The following NEBL variants were observed in gnomAD, a reference collection of about 807,000 sequenced individuals.
NEBL encodes nebulette, also known as LIM and SH3 protein 2.
A neutral mutation model predicts 140.2 loss-of-function variants in NEBL; 122 were observed. The ratio of observed to expected loss-of-function variants is 0.87; its 90% CI spans 0.75 to 1.01. NEBL has a LOEUF of 1.01. Among genes scored for constraint, NEBL ranks in the 50% least tolerant of loss-of-function variants. The pLI is 0.00. For missense variants in NEBL, 1,365 were observed against 1,231.3 expected (o/e 1.11, Z -1.62); for synonymous variants, 436 against 398.9 (o/e 1.09, Z -1.11).
intron 26 of NEBL, among the ~76,000 whole-genome samples, chr10:20,790,109 G>A (rs943345651): frequency 6.6e-6 from 1 of 152,012 alleles, no homozygotes; most frequent in Admixed American, 6.6e-5. Flanking sequence ...GCAGACAGCA[G>A]GGAAGGGAGT....
chr10:20,872,701 G>T (rs896751797), intron 5 of NEBL, among the ~76,000 whole-genome samples: 1 of 152,154 alleles, frequency 6.6e-6, no homozygotes, highest in South Asian at 2.1e-4. Context: ...AAAACAGCTT[G>T]CAGTAAAGAA....
intron 1 of NEBL, among the ~76,000 whole-genome samples, chr10:21,259,537 A>G (rs7069644): frequency 0.18 from 27,574 of 151,932 alleles, 2,816 homozygotes; most frequent in African/African-American, 0.24. Context: ...ACCTAGAGAT[A>G]ATACCTGGTC....
intron 2 of NEBL, among the ~76,000 whole-genome samples, chr10:21,090,395 C>T (rs1254771682): frequency 1.3e-5 from 2 of 152,094 alleles, no homozygotes; most frequent in Non-Finnish European, 2.9e-5. Context: ...AATACAACAA[C>T]TATTTACACA....
intron 23 of NEBL, chr10:20,813,660 T>C (rs939892862): frequency 5.9e-6 from 2 of 340,798 alleles, no homozygotes; most frequent in Non-Finnish European, 1.1e-5. Context: ...TAGAATTAAT[T>C]GGAAAGAAGT....
chr10:20,941,613 G>T (rs1180336941), intron 4 of NEBL, among the ~76,000 whole-genome samples: 5 of 150,170 alleles, frequency 3.3e-5, no homozygotes, highest in Admixed American at 6.7e-5. Context: ...GAAATAAAGG[G>T]TATTCAAGTA....
At chr10:20,806,781 T>C (rs1328005588) in intron 26 of NEBL, among the ~76,000 whole-genome samples, 1 of 152,202 alleles carries the variant, frequency 6.6e-6, no homozygotes, top group Non-Finnish European at 1.5e-5. Context: ...ACTAAATGAA[T>C]GAATGATGGA....
chr10:20,980,131 TC>T (rs1303657217), intron 3 of NEBL, among the ~76,000 whole-genome samples: 4 of 151,860 alleles, frequency 2.6e-5, no homozygotes, highest in Admixed American at 1.3e-4. Context: ...TTCAAAGAAC[TC>T]AATTTAAATG....
chr10:20,939,250 A>G (rs2031841015), intron 4 of NEBL, among the ~76,000 whole-genome samples: 1 of 152,264 alleles, frequency 6.6e-6, no homozygotes, highest in Non-Finnish European at 1.5e-5. Flanking sequence ...CAGAAACTCT[A>G]CAAGCCAGAA....
chr10:21,091,485 A>G (rs1836909555), intron 2 of NEBL, among the ~76,000 whole-genome samples: 1 of 151,442 alleles, frequency 6.6e-6, no homozygotes, highest in Middle Eastern at 3.4e-3. Context: ...CTGTTAACAC[A>G]AAACAAAAAT....
intron 1 of NEBL, among the ~76,000 whole-genome samples, chr10:21,280,033 A>C (rs1367393350): frequency 6.6e-6 from 1 of 152,164 alleles, no homozygotes. Context: ...AGAGAAGCCA[A>C]AAAGTCCCCT....
At chr10:21,188,831 C>A (rs1841524058) in intron 3 of NEBL, among the ~76,000 whole-genome samples, 1 of 151,962 alleles carries the variant, frequency 6.6e-6, no homozygotes, top group South Asian at 2.1e-4. Context: ...CTCAGGTGAT[C>A]CACCAACCTC....
chr10:20,921,196 T>C (rs1308401989), intron 4 of NEBL, among the ~76,000 whole-genome samples: 1 of 152,166 alleles, frequency 6.6e-6, no homozygotes, highest in Non-Finnish European at 1.5e-5. Context: ...GTAGTGCTGA[T>C]CCATGCCAAA....
intron 3 of NEBL, among the ~76,000 whole-genome samples, chr10:21,018,820 G>T (rs557860885): frequency 1.3e-5 from 2 of 152,274 alleles, no homozygotes; most frequent in Non-Finnish European, 2.9e-5. Context: ...ACAAAGTCAG[G>T]AGTTCAAGAC....
chr10:21,093,245 G>A (rs1432464377), intron 2 of NEBL, among the ~76,000 whole-genome samples: 2 of 148,910 alleles, frequency 1.3e-5, no homozygotes, highest in Non-Finnish European at 3.0e-5. Flanking sequence ...GTGACTCAGA[G>A]GATAAGTATT....
intron 1 of NEBL, among the ~76,000 whole-genome samples, chr10:21,254,510 G>A (rs904122908): frequency 2.6e-5 from 4 of 151,880 alleles, no homozygotes; most frequent in Non-Finnish European, 2.9e-5. Context: ...GTGGCACAAT[G>A]TTGGCTCACT....
intron 3 of NEBL, among the ~76,000 whole-genome samples, chr10:20,981,337 T>C (rs2131664193): frequency 6.6e-6 from 1 of 151,952 alleles, no homozygotes; most frequent in South Asian, 2.1e-4. Context: ...AATGTTGACT[T>C]CACAAACACA....
intron 12 of NEBL, among the ~76,000 whole-genome samples, chr10:20,844,574 A>G (rs187485423): frequency 1.8e-4 from 28 of 151,442 alleles, no homozygotes; most frequent in African/African-American, 6.3e-4. Context: ...TTAAGGTCTT[A>G]ATATTAAGAA....
intron 1 of NEBL, among the ~76,000 whole-genome samples, chr10:21,267,295 G>A (rs763084748): frequency 3.3e-5 from 5 of 150,208 alleles, no homozygotes; most frequent in Non-Finnish European, 5.9e-5. Flanking sequence ...TGTTTTTTCA[G>A]TAAAGACAGG....
intron 2 of NEBL, chr10:21,146,302 C>T: frequency 1.3e-6 from 2 of 1,543,650 alleles, no homozygotes; most frequent in Non-Finnish European, 1.8e-6. Flanking sequence ...TGTCTCAGCA[C>T]ACCCATGCAG....
Sources: allele counts gnomAD v4.1 joint callset (sites outside exome capture counted in the v4.1 genomes callset), GRCh38; gene constraint gnomAD v4.1.1; transcripts MANE v1.5; gene names NCBI Gene and HGNC (gene_info 2026-07-23, HGNC 2026-07-21).